SH3KBP1: variants seen among roughly 807,000 people sequenced by gnomAD.
SH3KBP1 encodes SH3 domain-containing kinase-binding protein 1.
In SH3KBP1, 8 loss-of-function variants were observed where a neutral mutation model predicts 50.1. The ratio of observed to expected loss-of-function variants is 0.16; its 90% CI spans 0.09 to 0.29. The LOEUF is 0.29. SH3KBP1 is among the 10% of genes least tolerant of loss of function. SH3KBP1 has a pLI of 1.00. For missense variants in SH3KBP1, 377 were observed against 535.2 expected, an observed-to-expected ratio of 0.70 and a Z score of 2.92; for synonymous variants, 227 against 218.6, an observed-to-expected ratio of 1.04 and a Z score of -0.34.
At chrX:19,741,446 T>C (rs966425578) in intron 3 of SH3KBP1, among the ~76,000 whole-genome samples, 2 of 112,560 alleles carry the variant, frequency 1.8e-5, no homozygotes, top group South Asian at 3.6e-4. Flanking sequence ...GGAAGGCAGA[T>C]GCCAAAGTAG....
intron 6 of SH3KBP1, among the ~76,000 whole-genome samples, chrX:19,669,065 C>T (rs1320221529): frequency 1.2e-3 from 111 of 95,217 alleles, no homozygotes; most frequent in Non-Finnish European, 2.1e-3. Flanking sequence ...CGGGCTCAGG[C>T]GATCCTCCCA....
chrX:19,685,399 T>C (rs756490824), intron 5 of SH3KBP1, among the ~76,000 whole-genome samples: 14 of 112,404 alleles, frequency 1.2e-4, no homozygotes, highest in Non-Finnish European at 2.6e-4. Context: ...GTTTTGTTTG[T>C]TGTTGTTGTC....
intron 2 of SH3KBP1, among the ~76,000 whole-genome samples, chrX:19,786,911 A>G (rs1207088545): frequency 8.9e-6 from 1 of 112,305 alleles, no homozygotes; most frequent in Non-Finnish European, 1.9e-5. Flanking sequence ...TATAACTTAT[A>G]TATCCCAAGT....
intron 12 of SH3KBP1, among the ~76,000 whole-genome samples, chrX:19,583,117 C>T (rs1337448818): frequency 1.1e-5 from 1 of 88,711 alleles, no homozygotes; most frequent in Non-Finnish European, 2.2e-5. Context: ...TATTCAATTG[C>T]TAATACACAT....
At chrX:19,722,810 C>A (rs1482151250) in intron 3 of SH3KBP1, among the ~76,000 whole-genome samples, 1 of 100,180 alleles carries the variant, frequency 1.0e-5, no homozygotes, top group Non-Finnish European at 2.0e-5. Flanking sequence ...AGGCATCTGA[C>A]CAGTTCTTCA....
chrX:19,634,297 C>A lies in SH3KBP1; in HGVS notation c.803-2339G>T, dbSNP rs184688053. Among the ~76,000 whole-genome samples the A allele has an allele frequency of 7.3e-5, 8 of 110,339 alleles. 1 individual carries two copies. In the East Asian group the frequency reaches 2.3e-3, roughly 31 times the overall value. Reference sequence around the variant, plus strand: ...GGACGTCAGTACAGTGTTTGGTGCTCTTGAAATCATATTTCAACTGCAAGA... The same window carrying A: ...GGACGTCAGTACAGTGTTTGGTGCTATTGAAATCATATTTCAACTGCAAGA... On this transcript the variant is annotated intron_variant, in intron 7 of 17. Transcript: ENST00000397821.
chrX:19,571,828 G>A (rs923704579), intron 12 of SH3KBP1, among the ~76,000 whole-genome samples: 7 of 109,017 alleles, frequency 6.4e-5, no homozygotes, highest in African/African-American at 2.3e-4. Flanking sequence ...AACTCTACTT[G>A]GCTTTTTTTT....
At chrX:19,804,488 G>A (rs2066975741) in intron 2 of SH3KBP1, among the ~76,000 whole-genome samples, 1 of 111,381 alleles carries the variant, frequency 9.0e-6, no homozygotes, top group South Asian at 3.8e-4. Flanking sequence ...GATAGCTCAT[G>A]TAGTTTTGGA....
At chrX:19,747,886 G>A (rs1025580539) in intron 2 of SH3KBP1, among the ~76,000 whole-genome samples, 1 of 112,379 alleles carries the variant, frequency 8.9e-6, no homozygotes, top group African/African-American at 3.2e-5. Context: ...ATATGTACAC[G>A]GACACCTACC....
chrX:19,732,926 C>T (rs1000384309), intron 3 of SH3KBP1, among the ~76,000 whole-genome samples: 3 of 111,493 alleles, frequency 2.7e-5, no homozygotes, highest in African/African-American at 6.5e-5. Context: ...CTGGGAATAA[C>T]GTCATCAACA....
intron 2 of SH3KBP1, among the ~76,000 whole-genome samples, chrX:19,835,697 G>C (rs2068041133): frequency 9.2e-6 from 1 of 108,347 alleles, no homozygotes; most frequent in African/African-American, 3.4e-5. Context: ...TCCTGCCTCA[G>C]CCTCCCGAGT....
intron 3 of SH3KBP1, among the ~76,000 whole-genome samples, chrX:19,730,726 A>C (rs1259410543): frequency 9.0e-6 from 1 of 111,416 alleles, no homozygotes; most frequent in Non-Finnish European, 1.9e-5. Flanking sequence ...TGACAGGCAA[A>C]ACTGATGCAT....
At chrX:19,665,530 A>T (rs1010938206) in intron 6 of SH3KBP1, among the ~76,000 whole-genome samples, 17 of 111,976 alleles carry the variant, frequency 1.5e-4, no homozygotes, top group African/African-American at 3.2e-5. Flanking sequence ...AGAGAGAAAA[A>T]TATCTATTAG....
At chrX:19,710,740 G>A (rs1157228735) in intron 3 of SH3KBP1, among the ~76,000 whole-genome samples, 4 of 110,791 alleles carry the variant, frequency 3.6e-5, no homozygotes, top group African/African-American at 6.6e-5. Flanking sequence ...GCATCCACTA[G>A]GGGTCTTGAA....
rs2063399020 is a variant in SH3KBP1 at position 19,695,700 on chromosome X, A to G, written c.432T>C (p.Thr144=). 1 of 1,209,510 alleles carries G rather than the reference A, an allele frequency of 8.3e-7. No homozygotes were observed. The highest frequency in any genetic ancestry group is 1.1e-6 in the Non-Finnish European group (1 of 894,376). Residue 144 remains threonine, a synonymous_variant, in exon 5 of 18, where the codon ACT becomes ACC. Transcript: ENST00000397821. ...GWWEGVLNGK[T]GMFPSNFIKE... ...TGATGAAGTTGGAAGGAAACATTCC[A>G]GTCTTCCCGTTGAGAACACCTTCCC...
intron 12 of SH3KBP1, among the ~76,000 whole-genome samples, chrX:19,578,517 G>T (rs2066272625): frequency 8.9e-6 from 1 of 111,743 alleles, no homozygotes; most frequent in Non-Finnish European, 1.9e-5. Flanking sequence ...GAGGTCCTGT[G>T]CTCTGAGAGT....
intron 12 of SH3KBP1, 96 bp from the exon 13 acceptor site, chrX:19,569,284 T>C (rs1348875752): frequency 3.2e-4 from 245 of 771,377 alleles, no homozygotes; most frequent in Non-Finnish European, 4.1e-4. Flanking sequence ...AGTGTGCTGG[T>C]GTGGAGTGGA....
At chrX:19,633,602 G>GT (rs1569362250) in intron 7 of SH3KBP1, among the ~76,000 whole-genome samples, 1 of 112,162 alleles carries the variant, frequency 8.9e-6, no homozygotes, top group Non-Finnish European at 1.9e-5. Context: ...CACAAACACA[G>GT]TATCACTGAA....
intron 6 of SH3KBP1, among the ~76,000 whole-genome samples, chrX:19,667,746 T>C (rs2062636541): frequency 9.1e-6 from 1 of 110,105 alleles, no homozygotes; most frequent in South Asian, 3.8e-4. Flanking sequence ...ACTTTTATGG[T>C]GATTTCCACC....
Sources: allele counts gnomAD v4.1 joint callset (sites outside exome capture counted in the v4.1 genomes callset), GRCh38; gene constraint gnomAD v4.1.1; transcripts MANE v1.5; gene names NCBI Gene and HGNC (gene_info 2026-07-23, HGNC 2026-07-21).